MYO6: variants seen among roughly 807,000 people sequenced by gnomAD.
The protein encoded by MYO6 is unconventional myosin-VI.
In MYO6, 74 loss-of-function variants were observed where a neutral mutation model predicts 178.7. The observed-to-expected ratio is 0.41, with a 90% confidence interval of 0.34 to 0.50. The LOEUF is 0.50. Among genes scored for constraint, MYO6 ranks in the 20% least tolerant of loss-of-function variants. The pLI is 0.09. For missense variants in MYO6, 1,330 were observed against 1,547.4 expected, an observed-to-expected ratio of 0.86 and a Z score of 2.36; for synonymous variants, 477 against 504.6, an observed-to-expected ratio of 0.95 and a Z score of 0.73.
intron 33 of MYO6, among the ~76,000 whole-genome samples, chr6:75,912,997 C>A (rs1780875988): frequency 1.3e-5 from 2 of 152,084 alleles, no homozygotes; most frequent in African/African-American, 4.8e-5. Flanking sequence ...GTATTTTCAT[C>A]CTTTCAGTAT....
intron 22 of MYO6, among the ~76,000 whole-genome samples, chr6:75,880,408 A>C (rs1028639949): frequency 1.3e-5 from 2 of 152,214 alleles, no homozygotes; most frequent in African/African-American, 4.8e-5. Flanking sequence ...CCTGAGCCAC[A>C]TTGGAAGAAG....
intron 1 of MYO6, among the ~76,000 whole-genome samples, chr6:75,806,196 G>T (rs567760138): frequency 2.9e-4 from 44 of 151,854 alleles, no homozygotes; most frequent in African/African-American, 1.1e-3. Flanking sequence ...TTAAGCCTGG[G>T]CAACATGGCA....
intron 4 of MYO6, among the ~76,000 whole-genome samples, chr6:75,830,009 G>A (rs572906346): frequency 3.3e-5 from 5 of 152,268 alleles, no homozygotes; most frequent in South Asian, 2.1e-4. Flanking sequence ...TTAGCGGTAG[G>A]AGATTTCATA....
intron 34 of MYO6, 62 bp from the exon 35 acceptor site, chr6:75,914,751 C>A: frequency 6.7e-7 from 1 of 1,500,022 alleles, no homozygotes. Flanking sequence ...TTCAGGCATA[C>A]AACTGGTAAG....
chr6:75,869,030 G>A (rs1240067482), intron 18 of MYO6, among the ~76,000 whole-genome samples: 1 of 145,330 alleles, frequency 6.9e-6, no homozygotes, highest in Non-Finnish European at 1.5e-5. Context: ...CAGCTGCTAA[G>A]AGTTTATTTT....
At chr6:75,799,899 T>A (rs1387084882) in intron 1 of MYO6, among the ~76,000 whole-genome samples, 1 of 152,176 alleles carries the variant, frequency 6.6e-6, no homozygotes, top group Non-Finnish European at 1.5e-5. Context: ...ATATTATCAC[T>A]TTAGTTATTC....
chr6:75,800,997 A>G (rs1769394568), intron 1 of MYO6, among the ~76,000 whole-genome samples: 1 of 152,202 alleles, frequency 6.6e-6, no homozygotes, highest in Non-Finnish European at 1.5e-5. Flanking sequence ...CTGGCATTAC[A>G]GGTGTGTGAG....
At chr6:75,898,331 T>C in intron 29 of MYO6, 42 bp from the exon 30 acceptor site, 1 of 1,361,338 alleles carries the variant, frequency 7.3e-7, no homozygotes, top group Non-Finnish European at 1.0e-6. Context: ...TTATGTAGTA[T>C]GACTTTTATG....
chr6:75,813,778 T>TC (rs747790782), intron 1 of MYO6, among the ~76,000 whole-genome samples: 2 of 152,000 alleles, frequency 1.3e-5, no homozygotes, highest in African/African-American at 4.8e-5. Flanking sequence ...ACTGGGTTCT[T>TC]CCCCCCAAAT....
Position 75,892,620 on chromosome 6 carries a change from G to T in MYO6, c.3037G>T (p.Ala1013Ser), listed in dbSNP as rs1778987257. Residue 1013 changes from alanine (A) to serine (S), a missense_variant, in exon 28 of 35, where the codon GCC becomes TCC. By Grantham distance (99) the Ala-to-Ser change is moderately conservative (BLOSUM62 1). Coordinates refer to ENST00000369977, the MANE Select transcript of MYO6 (RefSeq NM_004999.4). The stretch of plus-strand genomic sequence containing the variant: ...GCAGGAGCGCAGGGACCGGGAGCTG[G>T]CCCTGAGGATTGCCCAGAGTGAAGC... Reference protein sequence around the residue: ...LEQERRDRELALRIAQSEAEL... With the variant: ...LEQERRDRELSLRIAQSEAEL... 2 of 1,613,202 alleles carry T rather than the reference G, an allele frequency of 1.2e-6. No homozygotes were observed. Among genetic ancestry groups the T allele is most frequent in the African/African-American group, 1.3e-5 (1 of 74,914 alleles).
chr6:75,901,661 C>T (rs1259393888), intron 30 of MYO6, among the ~76,000 whole-genome samples: 3 of 152,108 alleles, frequency 2.0e-5, no homozygotes, highest in Non-Finnish European at 2.9e-5. Context: ...ACAATCATGT[C>T]GTCTGCAAAC....
chr6:75,848,026 T>C (rs1774895809), intron 10 of MYO6, among the ~76,000 whole-genome samples: 1 of 152,130 alleles, frequency 6.6e-6, no homozygotes. Context: ...TTCACTCAAT[T>C]TTTGTCTTTT....
rs200014336 is a variant in MYO6, at chr6:75,915,413, A to C, written c.*401A>C. On this transcript the variant is annotated 3_prime_UTR_variant, in exon 35 of 35. Transcript: ENST00000369977. ...CTGGAGTAATAAAACATGAGCTTAC[A>C]TTCTTACAATAACTAAACCACTTAA... 4.8e-6 allele frequency: 1 copy of C among 208,342 alleles called. No homozygotes were observed. Among genetic ancestry groups the C allele is most frequent in the Non-Finnish European group, 1.0e-5 (1 of 100,438 alleles). The allele number at this position is 208,342 out of a possible 1,614,324, so 12.9% of individuals were successfully genotyped here.
At chr6:75,759,614 A>C (rs1366306845) in intron 1 of MYO6, among the ~76,000 whole-genome samples, 1 of 151,798 alleles carries the variant, frequency 6.6e-6, no homozygotes, top group East Asian at 1.9e-4. Flanking sequence ...CCAGTGCAAG[A>C]GCAGAGAAAG....
chr6:75,881,590 A>G lies in MYO6; in HGVS notation c.2287-99A>G. The G allele has an allele frequency of 8.2e-6, 10 of 1,217,402 alleles. 1 individual carries two copies. In the South Asian group the frequency reaches 1.2e-4, roughly 15 times the overall value. The allele number at this position is 1,217,402 out of a possible 1,614,324, so 75.4% of individuals were successfully genotyped here. On this transcript the variant is annotated intron_variant, in intron 22 of 34. Transcript: ENST00000369977. ...GTAATTGACATGTGACCATTTTCAG[A>G]CAGTTAGATTTTGGATTTGAATTCT...
intron 25 of MYO6, among the ~76,000 whole-genome samples, chr6:75,888,606 T>TAA (rs755692046): frequency 9.7e-5 from 13 of 134,132 alleles, no homozygotes; most frequent in Non-Finnish European, 9.7e-5. Flanking sequence ...GACCCCTGGC[T>TAA]AAAAAAAAAA....
chr6:75,781,390 A>G (rs921589371), intron 1 of MYO6, among the ~76,000 whole-genome samples: 6 of 152,190 alleles, frequency 3.9e-5, no homozygotes, highest in South Asian at 2.1e-4. Flanking sequence ...AATTGTGTGC[A>G]TGGAATGGTG....
chr6:75,826,158 T>C (rs988145313), intron 3 of MYO6, among the ~76,000 whole-genome samples: 1 of 152,214 alleles, frequency 6.6e-6, no homozygotes, highest in African/African-American at 2.4e-5. Context: ...TAGGGAGATG[T>C]AGGCAGTTGG....
chr6:75,875,395 C>T (rs2149332478), intron 20 of MYO6, among the ~76,000 whole-genome samples: 1 of 152,254 alleles, frequency 6.6e-6, no homozygotes, highest in African/African-American at 2.4e-5. Context: ...CTGCTTCAGC[C>T]TCTCAAGTAG....
Sources: gnomAD v4.1 joint callset for allele counts (sites outside exome capture counted in the v4.1 genomes callset) on GRCh38, gnomAD v4.1.1 for gene constraint, MANE v1.5 for transcripts, NCBI Gene and HGNC (gene_info 2026-07-23, HGNC 2026-07-21) for gene names.